The following GALNT13 variants were observed in gnomAD, a reference collection of about 807,000 sequenced individuals.
The protein encoded by GALNT13 is UDP-GalNAc:polypeptide N-acetylgalactosaminyltransferase 13.
GALNT13 carries 28 observed loss-of-function variants against 64.2 expected under a neutral mutation model. The observed-to-expected ratio is 0.44, with a 90% CI of 0.32 to 0.60. The LOEUF is 0.60. Among genes scored for constraint, GALNT13 ranks in the 20% least tolerant of loss-of-function variants. The pLI is 0.05. For missense variants in GALNT13, 577 were observed against 669.8 expected (o/e 0.86, Z 1.53); for synonymous variants, 214 against 224.6 (o/e 0.95, Z 0.42).
chr2:154,356,800 T>C (rs1443699337), intron 9 of GALNT13, among the ~76,000 whole-genome samples: 1 of 150,848 alleles, frequency 6.6e-6, no homozygotes, highest in Non-Finnish European at 1.5e-5. Context: ...AACTATATGT[T>C]GATGCATATT....
At chr2:154,287,207 G>A in intron 8 of GALNT13, 2 of 1,430,674 alleles carry the variant, frequency 1.4e-6, no homozygotes, top group South Asian at 1.1e-5. Flanking sequence ...CAGATTTGTG[G>A]TGGAAAAGGC....
chr2:153,898,884 A>G (rs1422842880), intron 1 of GALNT13, among the ~76,000 whole-genome samples: 2 of 151,218 alleles, frequency 1.3e-5, no homozygotes, highest in South Asian at 2.1e-4. Flanking sequence ...AATGATGGCA[A>G]TTCTTAATAA....
chr2:153,497,279 A>AC, the GALNT13 span, among the ~76,000 whole-genome samples: 3 of 152,032 alleles, frequency 2.0e-5, no homozygotes, highest in Non-Finnish European at 4.4e-5. Flanking sequence ...ATAATAAACC[A>AC]CCTCAAGTAT....
intron 8 of GALNT13, among the ~76,000 whole-genome samples, chr2:154,278,142 T>C (rs1691760617): frequency 6.6e-6 from 1 of 152,214 alleles, no homozygotes; most frequent in Non-Finnish European, 1.5e-5. Context: ...TATTCCATAT[T>C]ATTAATTGGC....
chr2:154,226,347 A>G (rs892909625), intron 4 of GALNT13, among the ~76,000 whole-genome samples: 7 of 152,124 alleles, frequency 4.6e-5, no homozygotes, highest in African/African-American at 1.7e-4. Flanking sequence ...CACTAAATAC[A>G]CAGTATCACT....
At chr2:154,179,141 T>G (rs62171191) in intron 4 of GALNT13, among the ~76,000 whole-genome samples, 12,387 of 152,234 alleles carry the variant, frequency 0.081, 704 homozygotes, top group Middle Eastern at 0.12. Context: ...CTCCTTCTAC[T>G]CTCTTAACTC....
At chr2:153,259,051 AT>A in the GALNT13 span, among the ~76,000 whole-genome samples, 3 of 152,106 alleles carry the variant, frequency 2.0e-5, no homozygotes, top group South Asian at 6.2e-4. Flanking sequence ...GGAGTATTGA[AT>A]TTTCCAGCTA....
the GALNT13 span, among the ~76,000 whole-genome samples, chr2:153,614,728 AATTT>A: frequency 9.2e-5 from 14 of 151,978 alleles, no homozygotes; most frequent in Non-Finnish European, 1.6e-4. Flanking sequence ...TTGGTTTTAT[AATTT>A]ATTTTTCATT....
chr2:153,360,723 G>A, the GALNT13 span, among the ~76,000 whole-genome samples: 1,645 of 151,996 alleles, frequency 0.011, 14 homozygotes, highest in Middle Eastern at 0.017. Flanking sequence ...TGATCTCCCT[G>A]AACCTGAGCC....
the GALNT13 span, among the ~76,000 whole-genome samples, chr2:153,317,732 G>A: frequency 2.0e-5 from 3 of 151,716 alleles, no homozygotes; most frequent in South Asian, 6.3e-4. Context: ...ATACAACTGA[G>A]ATAGCATATA....
the GALNT13 span, among the ~76,000 whole-genome samples, chr2:153,213,160 T>G: frequency 6.6e-6 from 1 of 152,224 alleles, no homozygotes; most frequent in Non-Finnish European, 1.5e-5. Flanking sequence ...GGAACTTTAT[T>G]ACTCAGCACT....
At chr2:153,633,512 T>C in the GALNT13 span, among the ~76,000 whole-genome samples, 1 of 152,192 alleles carries the variant, frequency 6.6e-6, no homozygotes, top group African/African-American at 2.4e-5. Context: ...ATATGTTATT[T>C]ACAGACATTT....
At chr2:153,721,831 G>T in the GALNT13 span, among the ~76,000 whole-genome samples, 1 of 151,538 alleles carries the variant, frequency 6.6e-6, no homozygotes, top group Non-Finnish European at 1.5e-5. Flanking sequence ...CCTACAAAGA[G>T]ACTTAGACTC....
the GALNT13 span, among the ~76,000 whole-genome samples, chr2:153,548,949 T>C: frequency 3.3e-5 from 5 of 152,192 alleles, no homozygotes; most frequent in African/African-American, 9.7e-5. Flanking sequence ...AAAGTACTTA[T>C]ACATGTTATA....
intron 3 of GALNT13, among the ~76,000 whole-genome samples, chr2:154,078,816 C>T (rs1311937591): frequency 6.6e-6 from 1 of 151,502 alleles, no homozygotes; most frequent in African/African-American, 2.4e-5. Context: ...GCTTCTAGAG[C>T]CAGATCACTT....
chr2:154,347,032 A>AAAT (rs3078723), intron 9 of GALNT13, among the ~76,000 whole-genome samples: 151,293 of 152,186 alleles, frequency 0.99, 75,210 homozygotes, highest in Middle Eastern at 1. Context: ...TTCCAGTTAA[A>AAAT]AATATTACCT....
the GALNT13 span, among the ~76,000 whole-genome samples, chr2:153,716,214 G>A: frequency 6.6e-6 from 1 of 152,206 alleles, no homozygotes; most frequent in Non-Finnish European, 1.5e-5. Flanking sequence ...AAGAGCTTTA[G>A]TCACACTGAA....
At chr2:153,177,815 A>G in the GALNT13 span, among the ~76,000 whole-genome samples, 1 of 152,146 alleles carries the variant, frequency 6.6e-6, no homozygotes, top group Non-Finnish European at 1.5e-5. Flanking sequence ...AGCAAAAGAA[A>G]AAACCCATTA....
chr2:153,563,308 T>C, the GALNT13 span, among the ~76,000 whole-genome samples: 13,440 of 152,174 alleles, frequency 0.088, 627 homozygotes, highest in South Asian at 0.15. Flanking sequence ...GTTAGCACTT[T>C]TAATTATTCG....
Sources: gnomAD v4.1 joint callset for allele counts (sites outside exome capture counted in the v4.1 genomes callset) on GRCh38, gnomAD v4.1.1 for gene constraint, MANE v1.5 for transcripts, NCBI Gene and HGNC (gene_info 2026-07-23, HGNC 2026-07-21) for gene names.